The following PEX7 variants were observed in gnomAD, a reference collection of about 807,000 sequenced individuals.
PEX7 encodes the protein peroxisomal biogenesis factor 7.
In PEX7, 34 loss-of-function variants were observed where a neutral mutation model predicts 47.5. The ratio of observed to expected loss-of-function variants is 0.72; its 90% confidence interval spans 0.54 to 0.95. PEX7 has a LOEUF of 0.95. Ranked by LOEUF, PEX7 falls within the 40% of genes least tolerant of loss-of-function variation. The pLI is 0.00. For missense variants in PEX7, 394 were observed against 400.3 expected, an observed-to-expected ratio of 0.98 and a Z score of 0.13; for synonymous variants, 141 against 148.8, an observed-to-expected ratio of 0.95 and a Z score of 0.38.
intron 3 of PEX7, among the ~76,000 whole-genome samples, chr6:136,838,888 T>G (rs189386839): frequency 1.3e-5 from 2 of 152,222 alleles, no homozygotes; most frequent in Admixed American, 6.5e-5. Flanking sequence ...AACCTGAAAA[T>G]TTAAGTTTCA....
At chr6:136,871,742 G>C (rs1270414577) in intron 7 of PEX7, among the ~76,000 whole-genome samples, 1 of 152,050 alleles carries the variant, frequency 6.6e-6, no homozygotes. Flanking sequence ...TGTATTTTTA[G>C]TACAGGCGGG....
intron 5 of PEX7, among the ~76,000 whole-genome samples, chr6:136,850,992 T>A (rs1302953147): frequency 3.0e-5 from 3 of 99,720 alleles, no homozygotes; most frequent in Non-Finnish European, 6.1e-5. Context: ...TTTTTTTTTA[T>A]TTTTAATTTT....
intron 7 of PEX7, chr6:136,870,831 G>C (rs1041721672): frequency 3.0e-6 from 1 of 330,114 alleles, no homozygotes; most frequent in African/African-American, 2.3e-5. Flanking sequence ...TGAGTAGCTG[G>C]GACTACAGGT....
At chr6:136,881,083 G>A (rs1775369288) in intron 8 of PEX7, among the ~76,000 whole-genome samples, 1 of 152,184 alleles carries the variant, frequency 6.6e-6, no homozygotes, top group Non-Finnish European at 1.5e-5. Flanking sequence ...ATGTAGATTT[G>A]GACACCATTT....
At chr6:136,885,248 T>C (rs1230821828) in intron 8 of PEX7, among the ~76,000 whole-genome samples, 2 of 152,204 alleles carry the variant, frequency 1.3e-5, no homozygotes, top group East Asian at 1.9e-4. Context: ...TTGATAAAGC[T>C]AAAATGACCA....
At chr6:136,827,822 G>A (rs1463272132) in intron 3 of PEX7, among the ~76,000 whole-genome samples, 11 of 150,906 alleles carry the variant, frequency 7.3e-5, no homozygotes, top group Admixed American at 3.3e-4. Context: ...GTGAGCCACC[G>A]TGCCCAGCCA....
At position 136,872,218 on chromosome 6, in the gene PEX7, T is replaced by C; in HGVS notation, c.768T>C (p.Ser256=). The C allele has an allele frequency of 6.2e-7, 1 of 1,610,084 alleles. No individual in the cohort carries two copies. Among genetic ancestry groups the C allele is most frequent in the Non-Finnish European group, 8.5e-7 (1 of 1,179,318 alleles). The change falls in exon 8 of 10, where the codon TCT becomes TCC. Residue 256 remains serine, a synonymous_variant. Transcript: ENST00000318471. ...TGTAGTTTTCACCATTTCATGCTTCTGTGCTGGCCTCTTGCTCGTATGATT... is the reference window on the plus strand; with the variant it reads ...TGTAGTTTTCACCATTTCATGCTTCCGTGCTGGCCTCTTGCTCGTATGATT... ...RRVKFSPFHA[S]VLASCSYDFT... is the part of the protein sequence containing the mutation.
At chr6:136,907,615 C>T (rs1046485274) in intron 9 of PEX7, among the ~76,000 whole-genome samples, 30 of 151,050 alleles carry the variant, frequency 2.0e-4, no homozygotes, top group African/African-American at 7.0e-4. Flanking sequence ...CAATTGTCCA[C>T]GAAATAGAGA....
intron 8 of PEX7, 72 bp downstream of exon 8, chr6:136,872,325 G>GTA: frequency 2.7e-6 from 3 of 1,097,732 alleles, no homozygotes; most frequent in South Asian, 1.3e-5. Context: ...TTTTATAAGA[G>GTA]ATAATATGAT....
At chr6:136,847,968 T>C (rs561695802) in intron 5 of PEX7, among the ~76,000 whole-genome samples, 1 of 152,358 alleles carries the variant, frequency 6.6e-6, no homozygotes, top group East Asian at 1.9e-4. Flanking sequence ...TGATTCTTCC[T>C]ATCAATAAGC....
At chr6:136,835,047 G>T (rs1439161583) in intron 3 of PEX7, among the ~76,000 whole-genome samples, 1 of 150,692 alleles carries the variant, frequency 6.6e-6, no homozygotes, top group African/African-American at 2.4e-5. Context: ...TCAAGTGATT[G>T]TCCTGCCTCA....
intron 5 of PEX7, among the ~76,000 whole-genome samples, chr6:136,852,442 G>C (rs1774775957): frequency 1.1e-5 from 1 of 93,438 alleles, no homozygotes; most frequent in Non-Finnish European, 2.1e-5. Context: ...TCCTTAAGCT[G>C]ATAAGCAACT....
chr6:136,875,543 A>G (rs1775255718), intron 8 of PEX7, among the ~76,000 whole-genome samples: 1 of 152,186 alleles, frequency 6.6e-6, no homozygotes, highest in African/African-American at 2.4e-5. Context: ...TATGGAACAT[A>G]TTGAAATTTG....
intron 1 of PEX7, chr6:136,823,102 C>T (rs1349663151): frequency 2.0e-6 from 2 of 985,276 alleles, no homozygotes; most frequent in Admixed American, 6.1e-5. Context: ...GGCACACGTC[C>T]CCGTAGGGAG....
At chr6:136,837,530 T>C (rs34404520) in intron 3 of PEX7, among the ~76,000 whole-genome samples, 13,254 of 152,152 alleles carry the variant, frequency 0.087, 662 homozygotes, top group Admixed American at 0.13. Context: ...ACAGTAAAGA[T>C]TTAGAAGCAG....
intron 5 of PEX7, among the ~76,000 whole-genome samples, chr6:136,865,444 A>C (rs1005176001): frequency 6.6e-5 from 10 of 151,956 alleles, no homozygotes; most frequent in African/African-American, 2.4e-4. Context: ...GATTACAGGC[A>C]CCCGCCACCA....
In PEX7 at chr6:136,872,203, A is replaced by G. The variant is rs1308707237; in HGVS notation, c.753A>G (p.Ser251=). Residue 251 remains serine (S), a synonymous_variant, in exon 8 of 10, where the codon TCA becomes TCG. Coordinates refer to ENST00000318471, the MANE Select transcript of PEX7 (RefSeq NM_000288.4). ...HTYAIRRVKF[S]PFHASVLASC... ...TTTTCTTTTTTTTTTTGTAGTTTTC[A>G]CCATTTCATGCTTCTGTGCTGGCCT... 6.2e-7 allele frequency: 1 copy of G among 1,601,992 alleles called. No individual in the cohort carries two copies. The highest frequency in any genetic ancestry group is 8.5e-7 in the Non-Finnish European group (1 of 1,177,056).
In PEX7 at chr6:136,869,937, C is replaced by G; in HGVS notation, c.681C>G (p.Asp227Glu). 1 of 1,614,050 alleles carries G rather than the reference C, an allele frequency of 6.2e-7. No homozygotes were observed. Among genetic ancestry groups the G allele is most frequent in the Non-Finnish European group, 8.5e-7 (1 of 1,179,986 alleles). Residue 227 changes from aspartate to glutamate, a missense_variant, in exon 7 of 10, where the codon GAC (aspartate) becomes GAG (glutamate). Transcript: ENST00000318471. ...TTGACTGTAGTTTGAGAGGCTGGGA[C>G]TTAAGGAATGTACGACAACCAGTGT... ...GAVDCSLRGW[D>E]LRNVRQPVFE... is the part of the protein sequence containing the mutation.
chr6:136,871,106 A>G (rs1252364721), intron 7 of PEX7, among the ~76,000 whole-genome samples: 1 of 152,218 alleles, frequency 6.6e-6, no homozygotes, highest in Admixed American at 6.5e-5. Flanking sequence ...GTTTAATTGG[A>G]CAAGTTTTAG....
Sources: allele counts gnomAD v4.1 joint callset (sites outside exome capture counted in the v4.1 genomes callset), GRCh38; gene constraint gnomAD v4.1.1; transcripts MANE v1.5; gene names NCBI Gene and HGNC (gene_info 2026-07-23, HGNC 2026-07-21).